ZBTB11: variants seen among roughly 807,000 people sequenced by gnomAD.
ZBTB11 encodes the protein zinc finger and BTB domain containing 11.
In ZBTB11, 68 loss-of-function variants were observed where a neutral mutation model predicts 113.1. The observed-to-expected ratio is 0.60, with a 90% CI of 0.49 to 0.74. The LOEUF is 0.74. Ranked by LOEUF, ZBTB11 falls within the 30% of genes least tolerant of loss-of-function variation. The pLI is 0.00. For synonymous variants in ZBTB11, 518 were observed against 452.6 expected, an observed-to-expected ratio of 1.14 and a Z score of -1.83; for missense variants, 1,104 against 1,279.4, an observed-to-expected ratio of 0.86 and a Z score of 2.09.
chr3:101,676,601 T>G lies in ZBTB11; in HGVS notation c.310+4A>C. ...CCGCCCCCTCGCCGCGGGCTAGGTC[T>G]CACCTCGCCACCAGTACGTCTTGGA... On this transcript the variant is annotated splice_donor_region_variant and intron_variant, in intron 1 of 10. Coordinates refer to ENST00000312938, the MANE Select transcript of ZBTB11 (RefSeq NM_014415.4). 6.7e-7 allele frequency: 1 copy of G among 1,497,098 alleles called. No individual in the cohort carries two copies. Among genetic ancestry groups the G allele is most frequent in the Non-Finnish European group, 8.9e-7 (1 of 1,122,546 alleles). 92.7% of individuals were successfully genotyped at this position (1,497,098 alleles called of 1,614,324 possible).
Position 101,654,755 on chromosome 3 carries a change from T to A in ZBTB11, c.2258A>T (p.His753Leu). ...SFHRGSGLSK[H>L]FKKHQPKPEV... ...AGGCTTTGGTTGGTGTTTCTTGAAG[T>A]GCTTGCTGAGTCCAGAGCCCCTATG... is the stretch of plus-strand genomic sequence containing the variant. The change falls in exon 8 of 11, where the codon CAC (histidine) becomes CTC (leucine). Residue 753 changes from histidine (H) to leucine (L), a missense_variant. By Grantham distance (99) the His-to-Leu change is moderately conservative. Coordinates refer to ENST00000312938, the MANE Select transcript of ZBTB11 (RefSeq NM_014415.4). The A allele has an allele frequency of 6.2e-7, 1 of 1,614,224 alleles. No homozygotes were observed. The highest frequency in any genetic ancestry group is 8.5e-7 in the Non-Finnish European group (1 of 1,180,040).
Position 101,671,154 on chromosome 3 carries a change from G to T in ZBTB11, c.754C>A (p.His252Asn). ...LFIEKGAVSS[H>N]EAVVDLSGFC... ...CCAGAAAGATCCACCACAGCCTCAT[G>T]ACTGGAAACAGCTCCTTTCTCAATA... The change falls in exon 3 of 11, where the codon CAT becomes AAT. Residue 252 changes from histidine to asparagine, a missense_variant. Physicochemically the swap from His to Asn is moderately conservative, Grantham distance 68. This residue lies in a region of ZBTB11 where 86 missense variants were observed against 131.0 expected (regional missense o/e 0.66). Transcript: ENST00000312938. The T allele has an allele frequency of 6.2e-7, 1 of 1,614,070 alleles. No homozygotes were observed. Among genetic ancestry groups the T allele is most frequent in the South Asian group, 1.1e-5 (1 of 91,062 alleles).
chr3:101,658,275 G>A (rs1029464205), intron 6 of ZBTB11, among the ~76,000 whole-genome samples: 7 of 149,776 alleles, frequency 4.7e-5, no homozygotes, highest in African/African-American at 1.7e-4. Context: ...GCCCAGGCTA[G>A]AGTGCAGTGG....
At chr3:101,676,285 A>G (rs1015058660) in intron 1 of ZBTB11, among the ~76,000 whole-genome samples, 16 of 63,626 alleles carry the variant, frequency 2.5e-4, no homozygotes, top group Non-Finnish European at 5.1e-4. Flanking sequence ...GCCGGGGCCT[A>G]CAGCCTCAAG....
At chr3:101,672,508 G>C (rs922708685) in intron 1 of ZBTB11, among the ~76,000 whole-genome samples, 2 of 152,184 alleles carry the variant, frequency 1.3e-5, no homozygotes, top group Admixed American at 6.5e-5. Context: ...ATGTTTTCAT[G>C]CAAGAGGAAC....
At position 101,670,920 on chromosome 3, in the gene ZBTB11, A is replaced by C. The variant is rs917954528; in HGVS notation, c.778+210T>G. The stretch of plus-strand genomic sequence containing the variant: ...ATTCTTTTTCTGCTATAATTGTCTC[A>C]CTTAAGACGTAGTGAAAGGAAATGA... On this transcript the variant is annotated intron_variant, in intron 3 of 10. Coordinates refer to ENST00000312938, the MANE Select transcript of ZBTB11 (RefSeq NM_014415.4). 5 of 533,396 alleles carry C rather than the reference A, an allele frequency of 9.4e-6. No homozygotes were observed. In the Admixed American group the frequency reaches 1.3e-4, roughly 14 times the overall value. The allele number at this position is 533,396 out of a possible 1,614,324, so 33.0% of individuals were successfully genotyped here.
chr3:101,674,563 T>C (rs1937132216), intron 1 of ZBTB11, among the ~76,000 whole-genome samples: 1 of 150,488 alleles, frequency 6.6e-6, no homozygotes, highest in African/African-American at 2.4e-5. Context: ...ATAGAAAAAT[T>C]AGCTGGGCGT....
chr3:101,660,447 T>G (rs750327502), intron 5 of ZBTB11, among the ~76,000 whole-genome samples: 11 of 152,192 alleles, frequency 7.2e-5, no homozygotes, highest in Non-Finnish European at 1.3e-4. Context: ...ATCTTTGATT[T>G]TTAAAATCAA....
chr3:101,676,981 G>A lies in ZBTB11; in HGVS notation c.-67C>T. 1 of 1,478,038 alleles carries A rather than the reference G, an allele frequency of 6.8e-7. No homozygotes were observed. The highest frequency in any genetic ancestry group is 9.0e-7 in the Non-Finnish European group (1 of 1,112,432). 91.6% of individuals were successfully genotyped at this position (1,478,038 alleles called of 1,614,324 possible). ...GAGGAAAACGGCCCGCTACCTACGG[G>A]CGGCTGCAGGAGGAGCGGCGGCACC... On this transcript the variant is annotated 5_prime_UTR_variant, in exon 1 of 11. Coordinates refer to ENST00000312938, the MANE Select transcript of ZBTB11 (RefSeq NM_014415.4).
intron 2 of ZBTB11, 113 bp from the exon 3 acceptor site, chr3:101,671,474 G>T: frequency 1.3e-6 from 1 of 763,420 alleles, no homozygotes; most frequent in Non-Finnish European, 2.2e-6. Flanking sequence ...TGAATAATTT[G>T]ATATTTTCTT....
chr3:101,661,217 G>GTCTTGCTCTGT (rs1194112759), intron 5 of ZBTB11, among the ~76,000 whole-genome samples: 1 of 134,948 alleles, frequency 7.4e-6, no homozygotes, highest in Non-Finnish European at 1.6e-5. Context: ...CTGGGATACA[G>GTCTTGCTCTGT]AGCAAGACCC....
intron 1 of ZBTB11, 120 bp downstream of exon 1, chr3:101,676,485 G>C (rs1013826307): frequency 1.9e-6 from 2 of 1,065,356 alleles, no homozygotes; most frequent in Non-Finnish European, 2.5e-6. Context: ...CCTGGCAGCA[G>C]CTCCGCCGCC....
Position 101,656,158 on chromosome 3 carries a change from C to A in ZBTB11, c.2137G>T (p.Val713Phe). ...CTCCGTTTGGTAACAAATGACTTAA[C>A]ACACAGTTCACACTGGAACTGCTTC... ...SQKQFQCELCVKSFVTKRSLQ... is the reference protein window; with the variant it reads ...SQKQFQCELCFKSFVTKRSLQ... Residue 713 changes from valine to phenylalanine, a missense_variant, in exon 7 of 11, where the codon GTT becomes TTT. By Grantham distance (50) the Val-to-Phe change is conservative. Transcript: ENST00000312938. The A allele has an allele frequency of 6.3e-7, 1 of 1,599,340 alleles. No homozygotes were observed.
In ZBTB11 at chr3:101,676,688, T is replaced by C; in HGVS notation, c.227A>G (p.Glu76Gly). 6.3e-7 allele frequency: 1 copy of C among 1,598,184 alleles called. No individual in the cohort carries two copies. The highest frequency in any genetic ancestry group is 8.5e-7 in the Non-Finnish European group (1 of 1,171,734). Residue 76 changes from glutamate to glycine, a missense_variant, in exon 1 of 11, where the codon GAG becomes GGG. This residue lies in a region of ZBTB11 where 245 missense variants were observed against 272.5 expected (regional missense o/e 0.90). Coordinates refer to ENST00000312938, the MANE Select transcript of ZBTB11 (RefSeq NM_014415.4). ...GCCGCCGGGACCCAGGTGCGCCGCC[T>C]CGATGAGGTCCCGGCGTCGCTCCGG... ...LQPERRRDLI[E>G]AAHLGPGGTH...
At chr3:101,651,955 C>T (rs2108314460) in intron 10 of ZBTB11, among the ~76,000 whole-genome samples, 1 of 152,114 alleles carries the variant, frequency 6.6e-6, no homozygotes, top group African/African-American at 2.4e-5. Context: ...ATGGTGAAAC[C>T]CCATCTCTAC....
chr3:101,652,880 C>T lies in ZBTB11; in HGVS notation c.2368G>A (p.Gly790Ser). ...AATTGGCACTGGAATGGCTTCACAC[C>T]AAGATGTTTGTTCATGTGCTGGCGA... ...DLRQHMNKHLGVKPFQCQFCD... is the reference protein window; with the variant it reads ...DLRQHMNKHLSVKPFQCQFCD... Residue 790 changes from glycine to serine, a missense_variant, in exon 9 of 11, where the codon GGT becomes AGT. By Grantham distance (56) the Gly-to-Ser change is moderately conservative. Around this residue, in one of 5 missense-constraint regions of ZBTB11, gnomAD observed 148 missense variants for 259.3 expected, o/e 0.57. Coordinates refer to ENST00000312938, the MANE Select transcript of ZBTB11 (RefSeq NM_014415.4). 1 of 1,613,978 alleles carries T rather than the reference C, an allele frequency of 6.2e-7. No homozygotes were observed. Among genetic ancestry groups the T allele is most frequent in the Non-Finnish European group, 8.5e-7 (1 of 1,179,968 alleles).
Position 101,654,770 on chromosome 3 carries a change from G to C in ZBTB11, c.2243C>G (p.Ser748Cys), listed in dbSNP as rs1213396655. 3.1e-6 allele frequency: 5 copies of C among 1,614,132 alleles called. No homozygotes were observed. The highest frequency in any genetic ancestry group is 1.1e-5 in the South Asian group (1 of 91,086). Residue 748 changes from serine to cysteine, a missense_variant, in exon 8 of 11, where the codon TCT (serine) becomes TGT (cysteine). Around this residue, in one of 5 missense-constraint regions of ZBTB11, gnomAD observed 535 missense variants for 518.6 expected, o/e 1.03. Coordinates refer to ENST00000312938, the MANE Select transcript of ZBTB11 (RefSeq NM_014415.4). ...TTTCTTGAAGTGCTTGCTGAGTCCA[G>C]AGCCCCTATGAAAAGACTTTCCACA... ...SVCGKSFHRGSGLSKHFKKHQ... is the reference protein window; with the variant it reads ...SVCGKSFHRGCGLSKHFKKHQ...
intron 3 of ZBTB11, among the ~76,000 whole-genome samples, chr3:101,666,209 T>C (rs1304835147): frequency 2.0e-5 from 3 of 152,182 alleles, no homozygotes; most frequent in Non-Finnish European, 4.4e-5. Flanking sequence ...TCAGTAAATA[T>C]AGCTGTACTT....
At chr3:101,658,620 TTCAAATGA>T (rs1281605040) in intron 6 of ZBTB11, among the ~76,000 whole-genome samples, 14 of 152,108 alleles carry the variant, frequency 9.2e-5, no homozygotes, top group Non-Finnish European at 1.5e-5. Context: ...ACCTCCCAGG[TTCAAATGA>T]CCGGAGACCA....
Sources: gnomAD v4.1 joint callset for allele counts (sites outside exome capture counted in the v4.1 genomes callset) on GRCh38, gnomAD v4.1.1 for gene constraint, gnomAD v4.1.1 regional missense constraint, MANE v1.5 for transcripts, NCBI Gene and HGNC (gene_info 2026-07-23, HGNC 2026-07-21) for gene names.